CCDC178: variants seen among roughly 807,000 people sequenced by gnomAD.
The protein encoded by CCDC178 is coiled-coil domain-containing protein 178.
CCDC178 carries 126 observed loss-of-function variants against 117.4 expected under a neutral mutation model. The observed-to-expected ratio is 1.07, with a 90% CI of 0.93 to 1.24. CCDC178 has a LOEUF of 1.24. Among genes scored for constraint, CCDC178 ranks in the 50% most tolerant of loss-of-function variants. The pLI is 0.00. For synonymous variants in CCDC178, 283 were observed against 313.4 expected (o/e 0.90, Z 1.02); for missense variants, 1,030 against 986.9 (o/e 1.04, Z -0.59).
intron 21 of CCDC178, 94 bp downstream of exon 21, chr18:33,092,667 G>A (rs1995096): frequency 0.89 from 640,508 of 719,858 alleles, 291,472 homozygotes; most frequent in South Asian, 0.95. Flanking sequence ...GGATATCATC[G>A]TCAGATCAGA....
At chr18:33,404,195 T>C (rs1255992757) in intron 3 of CCDC178, among the ~76,000 whole-genome samples, 1 of 152,148 alleles carries the variant, frequency 6.6e-6, no homozygotes, top group Non-Finnish European at 1.5e-5. Flanking sequence ...TCATGGACCT[T>C]AGTTCATAAA....
At chr18:33,232,575 T>C (rs1431441170) in intron 15 of CCDC178, among the ~76,000 whole-genome samples, 1 of 152,196 alleles carries the variant, frequency 6.6e-6, no homozygotes, top group Non-Finnish European at 1.5e-5. Flanking sequence ...TGGTTGTGCA[T>C]TATTAGGAAA....
At chr18:33,011,767 C>CG (rs2055871193) in intron 21 of CCDC178, among the ~76,000 whole-genome samples, 1 of 29,984 alleles carries the variant, frequency 3.3e-5, no homozygotes, top group African/African-American at 7.6e-5. Context: ...GAGCAGAATG[C>CG]AAAAAAAAAA....
At chr18:33,363,575 T>A (rs1367412252) in intron 6 of CCDC178, among the ~76,000 whole-genome samples, 1 of 152,002 alleles carries the variant, frequency 6.6e-6, no homozygotes, top group Non-Finnish European at 1.5e-5. Flanking sequence ...ATTTTATGGA[T>A]CAGTGAAAGC....
intron 22 of CCDC178, among the ~76,000 whole-genome samples, chr18:32,960,979 T>C (rs2054692975): frequency 1.3e-5 from 2 of 152,156 alleles, no homozygotes. Flanking sequence ...ATCATTTTAC[T>C]TTTATTAATA....
chr18:33,360,359 C>A (rs1209753013), intron 6 of CCDC178, among the ~76,000 whole-genome samples: 1 of 151,090 alleles, frequency 6.6e-6, no homozygotes, highest in Non-Finnish European at 1.5e-5. Context: ...AAATGACTAT[C>A]AACAGATGGA....
intron 2 of CCDC178, among the ~76,000 whole-genome samples, chr18:33,416,633 A>G (rs2063945180): frequency 1.3e-5 from 2 of 152,066 alleles, no homozygotes; most frequent in African/African-American, 2.4e-5. Flanking sequence ...CCAGCACCTC[A>G]TGATCATTTG....
intron 14 of CCDC178, among the ~76,000 whole-genome samples, chr18:33,245,852 T>A (rs1024801460): frequency 6.6e-6 from 1 of 151,928 alleles, no homozygotes; most frequent in Non-Finnish European, 1.5e-5. Flanking sequence ...ATTATTAACA[T>A]TTGTGGTGGC....
At chr18:33,399,098 G>A (rs1177515181) in intron 3 of CCDC178, among the ~76,000 whole-genome samples, 2 of 152,084 alleles carry the variant, frequency 1.3e-5, no homozygotes, top group African/African-American at 4.8e-5. Context: ...TACACGGGAG[G>A]CTGAGACAAG....
intron 22 of CCDC178, among the ~76,000 whole-genome samples, chr18:32,953,686 A>G (rs1401913228): frequency 1.3e-5 from 2 of 152,198 alleles, no homozygotes; most frequent in Non-Finnish European, 2.9e-5. Context: ...AAGGAACCCC[A>G]TTTAGCTCAT....
At chr18:33,426,461 C>T (rs2064126762) in intron 2 of CCDC178, among the ~76,000 whole-genome samples, 2 of 152,166 alleles carry the variant, frequency 1.3e-5, no homozygotes, top group African/African-American at 4.8e-5. Flanking sequence ...GTTACATGCC[C>T]ATGAGACAAT....
At chr18:33,303,288 A>C (rs145640829) in intron 11 of CCDC178, among the ~76,000 whole-genome samples, 122 of 152,342 alleles carry the variant, frequency 8.0e-4, no homozygotes, top group Non-Finnish European at 1.6e-3. Context: ...TTAAAAAGTC[A>C]TAACTGTGAA....
intron 20 of CCDC178, among the ~76,000 whole-genome samples, chr18:33,191,610 T>C (rs1262386422): frequency 6.6e-6 from 1 of 152,144 alleles, no homozygotes; most frequent in African/African-American, 2.4e-5. Context: ...CACTTGGCGA[T>C]TGGAGTTTTC....
intron 21 of CCDC178, among the ~76,000 whole-genome samples, chr18:33,071,027 C>G (rs994493248): frequency 6.6e-6 from 1 of 152,040 alleles, no homozygotes; most frequent in Non-Finnish European, 1.5e-5. Flanking sequence ...ATAAACAGCT[C>G]TGCTAAAATA....
chr18:33,026,066 T>C (rs1043017008), intron 21 of CCDC178, among the ~76,000 whole-genome samples: 1 of 152,266 alleles, frequency 6.6e-6, no homozygotes, highest in Admixed American at 6.5e-5. Flanking sequence ...AATACATGTG[T>C]GCATTTACCT....
intron 12 of CCDC178, among the ~76,000 whole-genome samples, chr18:33,273,797 C>A (rs2059914652): frequency 6.6e-6 from 1 of 151,650 alleles, no homozygotes; most frequent in South Asian, 2.1e-4. Context: ...GTCTTTGAGA[C>A]TTTGGATTAA....
intron 11 of CCDC178, among the ~76,000 whole-genome samples, chr18:33,296,418 T>A (rs2062106756): frequency 6.6e-6 from 1 of 151,132 alleles, no homozygotes; most frequent in Non-Finnish European, 1.5e-5. Context: ...TACATGAAAA[T>A]ATGTAAAAAA....
At chr18:32,988,693 C>G (rs1482354618) in intron 21 of CCDC178, among the ~76,000 whole-genome samples, 2 of 151,964 alleles carry the variant, frequency 1.3e-5, no homozygotes, top group Admixed American at 1.3e-4. Flanking sequence ...AGGAAATTCA[C>G]AGAGTTCTTA....
intron 12 of CCDC178, among the ~76,000 whole-genome samples, chr18:33,271,680 G>C (rs1169379444): frequency 6.6e-6 from 1 of 151,442 alleles, no homozygotes; most frequent in Admixed American, 6.6e-5. Flanking sequence ...CAGAGACTTT[G>C]ATACTGCATG....
Sources: allele counts gnomAD v4.1 joint callset (sites outside exome capture counted in the v4.1 genomes callset), GRCh38; gene constraint gnomAD v4.1.1; transcripts MANE v1.5; gene names NCBI Gene and HGNC (gene_info 2026-07-23, HGNC 2026-07-21).